Variants in ACER3 observed in about 807,000 individuals in gnomAD.
The protein encoded by ACER3 is alkaline ceramidase 3.
Under a neutral mutation model 48.9 loss-of-function variants are expected in ACER3, and 16 were observed. That is an observed-to-expected ratio of 0.33 (90% CI 0.22 to 0.50). The LOEUF (loss-of-function observed/expected upper bound fraction) is 0.50. ACER3 is among the 20% of genes least tolerant of loss of function. The pLI is 0.98. For synonymous variants in ACER3, 109 were observed against 107.8 expected (o/e 1.01, Z -0.07); for missense variants, 227 against 326.0 (o/e 0.70, Z 2.34).
At chr11:76,920,819 T>C (rs1350230776) in intron 1 of ACER3, among the ~76,000 whole-genome samples, 1 of 152,074 alleles carries the variant, frequency 6.6e-6, no homozygotes. Flanking sequence ...AAAAATTTTT[T>C]GTAGAGATGG....
chr11:76,939,899 A>G (rs963097614), intron 2 of ACER3, among the ~76,000 whole-genome samples: 19 of 152,192 alleles, frequency 1.2e-4, no homozygotes, highest in African/African-American at 4.6e-4. Context: ...CATGAGGGGA[A>G]GAAGCTCTAC....
intron 3 of ACER3, 70 bp downstream of exon 3, chr11:76,959,101 G>A: frequency 5.6e-6 from 9 of 1,608,916 alleles, no homozygotes; most frequent in Non-Finnish European, 7.6e-6. Flanking sequence ...TGAGAAAAGA[G>A]CACATAACTA....
intron 9 of ACER3, 128 bp downstream of exon 9, chr11:77,016,907 A>G (rs1591073753): frequency 4.2e-6 from 2 of 479,490 alleles, no homozygotes; most frequent in East Asian, 3.3e-5. Context: ...TAAATAGTAC[A>G]CTCTTGAACA....
chr11:76,925,241 T>G (rs1268232143), intron 1 of ACER3, among the ~76,000 whole-genome samples: 1 of 152,208 alleles, frequency 6.6e-6, no homozygotes, highest in Non-Finnish European at 1.5e-5. Context: ...TTTCTTGACT[T>G]GACAATCTCA....
At chr11:76,968,348 G>A (rs139082599) in intron 3 of ACER3, among the ~76,000 whole-genome samples, 8,510 of 152,018 alleles carry the variant, frequency 0.056, 819 homozygotes, top group African/African-American at 0.2. Flanking sequence ...AATCAATATC[G>A]TGAAAATGGC....
chr11:76,882,896 A>G (rs1945563984), intron 1 of ACER3, among the ~76,000 whole-genome samples: 1 of 152,196 alleles, frequency 6.6e-6, no homozygotes, highest in Admixed American at 6.5e-5. Context: ...CGTGTGGTTC[A>G]TGGTTCAATC....
At chr11:76,923,974 T>C (rs1304502918) in intron 1 of ACER3, among the ~76,000 whole-genome samples, 1 of 152,140 alleles carries the variant, frequency 6.6e-6, no homozygotes, top group Admixed American at 6.5e-5. Context: ...ATTTCCTGAG[T>C]TCTTTCTCTC....
chr11:76,908,625 A>C (rs1456815201), intron 1 of ACER3, among the ~76,000 whole-genome samples: 2 of 152,238 alleles, frequency 1.3e-5, no homozygotes, highest in Non-Finnish European at 2.9e-5. Flanking sequence ...AAAACATTCC[A>C]TGCTCACAGA....
Position 76,914,638 on chromosome 11 carries a change from C to T in ACER3, c.104-11919C>T, listed in dbSNP as rs192764714. ...TCAACCATGGAGGAAGACAGTGTGGCGATTCCTCAAGGATCTAGATCTAGA... is the reference window on the plus strand; with the variant it reads ...TCAACCATGGAGGAAGACAGTGTGGTGATTCCTCAAGGATCTAGATCTAGA... On this transcript the variant is annotated intron_variant, in intron 1 of 10. Transcript: ENST00000532485. Among the ~76,000 whole-genome samples the T allele has an allele frequency of 5.6e-4, 86 of 152,278 alleles. 1 individual carries two copies. The highest frequency in any genetic ancestry group is 5.8e-4 in the East Asian group (3 of 5,184).
At chr11:76,862,144 C>T (rs1414100853) in intron 1 of ACER3, among the ~76,000 whole-genome samples, 2 of 152,168 alleles carry the variant, frequency 1.3e-5, no homozygotes, top group African/African-American at 4.8e-5. Flanking sequence ...CTTCTCAGGA[C>T]GTGAAGTGAA....
At chr11:76,874,413 A>AAC (rs1945316995) in intron 1 of ACER3, among the ~76,000 whole-genome samples, 1 of 151,774 alleles carries the variant, frequency 6.6e-6, no homozygotes, top group African/African-American at 2.4e-5. Context: ...TAAAAAAAAA[A>AAC]AACAAAACTA....
chr11:77,008,177 A>C (rs1949192540), intron 7 of ACER3, among the ~76,000 whole-genome samples: 1 of 152,174 alleles, frequency 6.6e-6, no homozygotes, highest in Non-Finnish European at 1.5e-5. Context: ...GGGTCTTCTT[A>C]TGTTTGTCTT....
Position 76,926,625 on chromosome 11 carries a change from G to A in ACER3, c.172G>A (p.Gly58Ser), listed in dbSNP as rs756951583. 17 of 1,607,582 alleles carry A rather than the reference G, an allele frequency of 1.1e-5. No individual in the cohort carries two copies. Among genetic ancestry groups the A allele is most frequent in the Admixed American group, 6.7e-5 (4 of 59,900 alleles). ...CGGTGCAGTTCAGAGTGTTAGAGAC[G>A]GTCTGGAAAAGCGGTACATTGCTTC... is the stretch of plus-strand genomic sequence containing the variant. Reference protein sequence around the residue: ...MFGAVQSVRDGLEKRYIASYL... With the variant: ...MFGAVQSVRDSLEKRYIASYL... The change falls in exon 2 of 11, where the codon GGT becomes AGT. Residue 58 changes from glycine to serine, a missense_variant. By Grantham distance (56) the Gly-to-Ser change is moderately conservative (BLOSUM62 0). Coordinates refer to ENST00000532485, the MANE Select transcript of ACER3 (RefSeq NM_018367.7).
chr11:76,998,641 A>C lies in ACER3; in HGVS notation c.439-122A>C, dbSNP rs1555019119. 4.6e-6 allele frequency: 3 copies of C among 651,074 alleles called. No homozygotes were observed. In the African/African-American group the frequency reaches 5.8e-5, roughly 13 times the overall value. The allele number at this position is 651,074 out of a possible 1,614,324, so 40.3% of individuals were successfully genotyped here. A position where few individuals can be genotyped will look rare whatever the true frequency, so the allele number is the denominator to read the frequency against. ...CACATTTTTTAACATTCTATTCTTTAAAATGTAGTGAAGGATAATAAATAT... is the reference window on the plus strand; with the variant it reads ...CACATTTTTTAACATTCTATTCTTTCAAATGTAGTGAAGGATAATAAATAT... On this transcript the variant is annotated intron_variant, in intron 6 of 10. Transcript: ENST00000532485.
intron 1 of ACER3, among the ~76,000 whole-genome samples, chr11:76,922,104 G>A (rs757209581): frequency 2.0e-5 from 3 of 151,992 alleles, no homozygotes; most frequent in Non-Finnish European, 2.9e-5. Flanking sequence ...TCCCAGAATA[G>A]CCTACTGTCA....
At chr11:76,920,490 G>A (rs1385750479) in intron 1 of ACER3, among the ~76,000 whole-genome samples, 1 of 152,002 alleles carries the variant, frequency 6.6e-6, no homozygotes, top group Non-Finnish European at 1.5e-5. Context: ...CAGCCTTAGG[G>A]GTAGTGGCTG....
chr11:76,973,254 G>A lies in ACER3; in HGVS notation c.268-3035G>A, dbSNP rs182714419. Among the ~76,000 whole-genome samples, 12 of 152,266 alleles carry A rather than the reference G, an allele frequency of 7.9e-5. No individual in the cohort carries two copies. The East Asian group carries it at 1.9e-3, about 25-fold the overall frequency. The stretch of plus-strand genomic sequence containing the variant: ...TCCACAACTGTCATCAGCTTGTGCC[G>A]TTTTGAGTCACTGCATTTATGGTGA... On this transcript the variant is annotated intron_variant, in intron 3 of 10. Coordinates refer to ENST00000532485, the MANE Select transcript of ACER3 (RefSeq NM_018367.7).
chr11:76,893,106 C>T (rs1565162638), intron 1 of ACER3, among the ~76,000 whole-genome samples: 1 of 152,124 alleles, frequency 6.6e-6, no homozygotes, highest in South Asian at 2.1e-4. Context: ...AGGTAGAAGA[C>T]CTCTGTGAGG....
At chr11:77,011,406 G>C in intron 7 of ACER3, 1 of 981,844 alleles carries the variant, frequency 1.0e-6, no homozygotes, top group Non-Finnish European at 1.2e-6. Context: ...AAAACAGATA[G>C]CACCCTACCC....
Sources: allele counts gnomAD v4.1 joint callset (sites outside exome capture counted in the v4.1 genomes callset), GRCh38; gene constraint gnomAD v4.1.1; transcripts MANE v1.5; gene names NCBI Gene and HGNC (gene_info 2026-07-23, HGNC 2026-07-21).